Variants in HNRNPC observed in about 807,000 individuals in gnomAD.
The protein encoded by HNRNPC is heterogeneous nuclear ribonucleoproteins C1/C2.
In HNRNPC, 3 loss-of-function variants were observed where a neutral mutation model predicts 33.2. The ratio of observed to expected loss-of-function variants is 0.09; its 90% CI spans 0.04 to 0.23. The LOEUF (loss-of-function observed/expected upper bound fraction) is 0.23, where lower values mean the gene tolerates loss of function less well. HNRNPC is among the 10% of genes least tolerant of loss of function. The pLI is 1.00. For missense variants in HNRNPC, 143 were observed against 366.7 expected, an observed-to-expected ratio of 0.39 and a Z score of 4.98; for synonymous variants, 121 against 126.7, an observed-to-expected ratio of 0.96 and a Z score of 0.30.
rs1011962929 is a variant in HNRNPC, at chr14:21,220,933, CAA to C, written c.366-7818_366-7817del. Among the ~76,000 whole-genome samples the C allele has an allele frequency of 2.6e-4, 39 of 151,882 alleles. 1 individual carries two copies. Among genetic ancestry groups the C allele is most frequent in the Admixed American group, 2.5e-3 (38 of 15,258 alleles). Reference sequence around the variant, plus strand: ...GAAACCCCGTCTCTACTAAAATACACAAAAAAAGTCAGGTATGGTGGCGCGCC... The same window carrying C: ...GAAACCCCGTCTCTACTAAAATACACAAAAAGTCAGGTATGGTGGCGCGCC... On this transcript the variant is annotated intron_variant, in intron 5 of 8. Coordinates refer to ENST00000553300, the MANE Select transcript of HNRNPC (RefSeq NM_004500.4).
chr14:21,247,044 G>A (rs1191929044), intron 2 of HNRNPC, among the ~76,000 whole-genome samples: 1 of 152,190 alleles, frequency 6.6e-6, no homozygotes, highest in East Asian at 1.9e-4. Flanking sequence ...AGTTTTTGGA[G>A]AGTTCAAAGT....
At chr14:21,230,021 ATC>A (rs1401133802) in intron 5 of HNRNPC, among the ~76,000 whole-genome samples, 2 of 152,158 alleles carry the variant, frequency 1.3e-5, no homozygotes, top group Non-Finnish European at 2.9e-5. Flanking sequence ...ACAGTTCTAA[ATC>A]TGTTACCCAA....
At chr14:21,251,117 C>T (rs148910868) in intron 2 of HNRNPC, among the ~76,000 whole-genome samples, 18 of 151,772 alleles carry the variant, frequency 1.2e-4, no homozygotes, top group Admixed American at 7.9e-4. Context: ...AAAAATTAGC[C>T]GGGCATGGTG....
At chr14:21,229,258 C>T (rs935912829) in intron 5 of HNRNPC, among the ~76,000 whole-genome samples, 1 of 150,796 alleles carries the variant, frequency 6.6e-6, no homozygotes, top group Non-Finnish European at 1.5e-5. Context: ...GGTGTGGTGG[C>T]GGGCGCCTGT....
chr14:21,266,798 T>C (rs949882776), intron 1 of HNRNPC, among the ~76,000 whole-genome samples: 1 of 151,844 alleles, frequency 6.6e-6, no homozygotes, highest in Non-Finnish European at 1.5e-5. Flanking sequence ...ACTACCAATT[T>C]AGAAAACCGG....
chr14:21,257,505 T>C (rs990818646), intron 2 of HNRNPC, among the ~76,000 whole-genome samples: 1 of 152,142 alleles, frequency 6.6e-6, no homozygotes, highest in African/African-American at 2.4e-5. Context: ...GTGGTTCTTT[T>C]TTAACCACAA....
At position 21,247,864 on chromosome 14, in the gene HNRNPC, G is replaced by T. The variant is rs1422504505; in HGVS notation, c.-36-13635C>A. Among the ~76,000 whole-genome samples, 4 of 151,694 alleles carry T rather than the reference G, an allele frequency of 2.6e-5. No individual in the cohort carries two copies. The East Asian group carries it at 7.7e-4, about 29-fold the overall frequency. ...TAGCCAAGCATGGTGGCAAGCGCCAGTAATGCCAGCTACTTGGGAGGCCGA... is the reference window on the plus strand; with the variant it reads ...TAGCCAAGCATGGTGGCAAGCGCCATTAATGCCAGCTACTTGGGAGGCCGA... On this transcript the variant is annotated intron_variant, in intron 2 of 8. Transcript: ENST00000553300.
At chr14:21,229,819 A>G (rs569678453) in intron 5 of HNRNPC, among the ~76,000 whole-genome samples, 71 of 152,368 alleles carry the variant, frequency 4.7e-4, no homozygotes, top group African/African-American at 1.7e-3. Flanking sequence ...TGCTTTATAT[A>G]TTGCATGTTT....
At chr14:21,262,528 C>A (rs1476439319) in intron 2 of HNRNPC, 1 of 152,264 alleles carries the variant, frequency 6.6e-6, no homozygotes, top group African/African-American at 2.4e-5. Context: ...GACCTATACA[C>A]ATCAGCTAAA....
At chr14:21,212,629 G>A (rs1032473075) in intron 6 of HNRNPC, among the ~76,000 whole-genome samples, 3 of 150,884 alleles carry the variant, frequency 2.0e-5, no homozygotes, top group Admixed American at 6.6e-5. Flanking sequence ...TGCAACCTCC[G>A]CCTCCTGGGT....
At chr14:21,243,321 G>A (rs1465333775) in intron 2 of HNRNPC, among the ~76,000 whole-genome samples, 3 of 152,112 alleles carry the variant, frequency 2.0e-5, no homozygotes. Context: ...GTTTGCTGAA[G>A]TATCATGTCA....
At chr14:21,266,585 G>A (rs1440383202) in intron 1 of HNRNPC, among the ~76,000 whole-genome samples, 2 of 149,662 alleles carry the variant, frequency 1.3e-5, no homozygotes, top group African/African-American at 2.5e-5. Context: ...TTCCAATATC[G>A]AGAATACCTG....
intron 2 of HNRNPC, among the ~76,000 whole-genome samples, chr14:21,261,778 T>C (rs1384481242): frequency 6.6e-6 from 1 of 152,202 alleles, no homozygotes; most frequent in Non-Finnish European, 1.5e-5. Flanking sequence ...TCTCCCAGCT[T>C]GAAACCTATC....
At position 21,246,741 on chromosome 14, in the gene HNRNPC, G is replaced by C. The variant is rs967633419; in HGVS notation, c.-36-12512C>G. The stretch of plus-strand genomic sequence containing the variant: ...AACACATACAGGAACAATTACAACT[G>C]ACCTTGAACAATATGGGTTTATACA... On this transcript the variant is annotated intron_variant, in intron 2 of 8. Coordinates refer to ENST00000553300, the MANE Select transcript of HNRNPC (RefSeq NM_004500.4). Among the ~76,000 whole-genome samples the C allele has an allele frequency of 3.3e-5, 5 of 152,050 alleles. No homozygotes were observed. The East Asian group carries it at 9.6e-4, about 29-fold the overall frequency.
At chr14:21,247,170 C>T (rs529096280) in intron 2 of HNRNPC, among the ~76,000 whole-genome samples, 1 of 152,258 alleles carries the variant, frequency 6.6e-6, no homozygotes, top group East Asian at 1.9e-4. Context: ...ATCCTAACCT[C>T]TATGTTTTGA....
intron 4 of HNRNPC, chr14:21,230,621 T>A (rs1325695549): frequency 3.9e-6 from 2 of 517,562 alleles, no homozygotes; most frequent in Admixed American, 7.2e-5. Flanking sequence ...AACTAAACAC[T>A]GAAAAACAGA....
At chr14:21,244,922 T>C (rs996664822) in intron 2 of HNRNPC, among the ~76,000 whole-genome samples, 48 of 151,498 alleles carry the variant, frequency 3.2e-4, no homozygotes, top group African/African-American at 1.1e-3. Context: ...CAGTCTCTAC[T>C]AAAATAACAA....
chr14:21,262,738 T>C (rs1878440853), intron 2 of HNRNPC: 1 of 152,142 alleles, frequency 6.6e-6, no homozygotes, highest in South Asian at 2.1e-4. Flanking sequence ...AAAAGCAGGA[T>C]GGGATTTCAA....
At chr14:21,230,430 G>T (rs536897519) in intron 4 of HNRNPC, 64 bp from the exon 5 acceptor site, 2 of 1,202,532 alleles carry the variant, frequency 1.7e-6, no homozygotes, top group Admixed American at 1.8e-5. Context: ...AATGTCAGGT[G>T]AGGGGAGAAC....
Sources: gnomAD v4.1 joint callset for allele counts (sites outside exome capture counted in the v4.1 genomes callset) on GRCh38, gnomAD v4.1.1 for gene constraint, MANE v1.5 for transcripts, NCBI Gene and HGNC (gene_info 2026-07-23, HGNC 2026-07-21) for gene names.